The following MACROD2 variants were observed in gnomAD, a reference collection of about 807,000 sequenced individuals.
MACROD2 encodes mono-ADP ribosylhydrolase 2.
In MACROD2, 36 loss-of-function variants were observed where a neutral mutation model predicts 70.4. The ratio of observed to expected loss-of-function variants is 0.51; its 90% confidence interval spans 0.39 to 0.68. MACROD2 has a LOEUF of 0.68. Among genes scored for constraint, MACROD2 ranks in the 30% least tolerant of loss-of-function variants. The pLI is 0.00. For missense variants in MACROD2, 496 were observed against 538.4 expected, an observed-to-expected ratio of 0.92 and a Z score of 0.78; for synonymous variants, 172 against 178.8, an observed-to-expected ratio of 0.96 and a Z score of 0.30.
At chr20:14,798,644 TA>T (rs1003170435) in intron 5 of MACROD2, among the ~76,000 whole-genome samples, 57 of 152,268 alleles carry the variant, frequency 3.7e-4, no homozygotes, top group African/African-American at 1.4e-3. Context: ...AATTCAAATG[TA>T]ATTTATAATT....
chr20:14,659,863 C>T (rs1002010364), intron 4 of MACROD2, among the ~76,000 whole-genome samples: 7 of 152,250 alleles, frequency 4.6e-5, no homozygotes, highest in South Asian at 2.1e-4. Context: ...ACCTTCTAAA[C>T]GTTGTTGCTT....
chr20:14,167,909 C>T (rs1024982011), intron 3 of MACROD2, among the ~76,000 whole-genome samples: 1 of 151,998 alleles, frequency 6.6e-6, no homozygotes, highest in East Asian at 1.9e-4. Flanking sequence ...CTGTATAAAG[C>T]GTAATAATTG....
intron 5 of MACROD2, among the ~76,000 whole-genome samples, chr20:14,807,762 A>G (rs200498874): frequency 6.6e-6 from 1 of 152,124 alleles, no homozygotes; most frequent in African/African-American, 2.4e-5. Flanking sequence ...CCTGATGGAG[A>G]TGAAAAACAC....
chr20:15,419,499 T>G (rs139438236), intron 6 of MACROD2, among the ~76,000 whole-genome samples: 115 of 152,288 alleles, frequency 7.6e-4, no homozygotes, highest in African/African-American at 2.7e-3. Flanking sequence ...CCAGAGCTCC[T>G]GCAATCAGCC....
intron 13 of MACROD2, chr20:15,985,919 A>G (rs1601277896): frequency 6.6e-6 from 1 of 152,232 alleles, no homozygotes; most frequent in South Asian, 2.1e-4. Context: ...ACAGCACTAA[A>G]GATTTCACAT....
chr20:15,739,743 C>G (rs2051076966), intron 8 of MACROD2, among the ~76,000 whole-genome samples: 1 of 152,030 alleles, frequency 6.6e-6, no homozygotes, highest in African/African-American at 2.4e-5. Flanking sequence ...AGAATGAAAA[C>G]AGTAGAAAGA....
chr20:14,214,731 G>A (rs1198349484), intron 3 of MACROD2, among the ~76,000 whole-genome samples: 2 of 150,826 alleles, frequency 1.3e-5, no homozygotes, highest in Non-Finnish European at 3.0e-5. Flanking sequence ...CACCATATTT[G>A]TAGTCTTCTA....
At chr20:14,848,417 G>T (rs916213106) in intron 5 of MACROD2, among the ~76,000 whole-genome samples, 2 of 152,156 alleles carry the variant, frequency 1.3e-5, no homozygotes, top group African/African-American at 2.4e-5. Flanking sequence ...AAAACAGAGA[G>T]TAATATGGGT....
chr20:15,681,040 C>T (rs1372409720), intron 8 of MACROD2, among the ~76,000 whole-genome samples: 1 of 152,132 alleles, frequency 6.6e-6, no homozygotes, highest in Non-Finnish European at 1.5e-5. Context: ...CAGTTCAATA[C>T]AGTTGCAATG....
At chr20:15,611,045 C>T (rs2048962341) in intron 8 of MACROD2, among the ~76,000 whole-genome samples, 1 of 140,378 alleles carries the variant, frequency 7.1e-6, no homozygotes, top group Non-Finnish European at 1.5e-5. Context: ...CCACTCTGCC[C>T]TCTCAGTCTG....
chr20:15,963,275 G>GT (rs1266204080), intron 12 of MACROD2, among the ~76,000 whole-genome samples: 26 of 151,476 alleles, frequency 1.7e-4, no homozygotes, highest in African/African-American at 4.4e-4. Flanking sequence ...GTGTATAGCA[G>GT]TTTTTTTTTG....
intron 5 of MACROD2, among the ~76,000 whole-genome samples, chr20:15,108,225 A>G (rs1420594256): frequency 6.6e-6 from 1 of 152,096 alleles, no homozygotes; most frequent in Non-Finnish European, 1.5e-5. Context: ...GAGTTTAGGT[A>G]AAGATTGTAT....
chr20:14,982,646 A>C (rs1213771913), intron 5 of MACROD2, among the ~76,000 whole-genome samples: 1 of 152,218 alleles, frequency 6.6e-6, no homozygotes, highest in Admixed American at 6.5e-5. Context: ...GGCAGCTTCC[A>C]CATGGTGTTG....
chr20:14,773,718 C>G (rs2072200056), intron 5 of MACROD2, among the ~76,000 whole-genome samples: 2 of 152,024 alleles, frequency 1.3e-5, no homozygotes, highest in African/African-American at 4.8e-5. Context: ...ATATAGTTGA[C>G]TTCATTGTAC....
At chr20:15,340,957 T>A (rs1461005660) in intron 6 of MACROD2, among the ~76,000 whole-genome samples, 1 of 152,156 alleles carries the variant, frequency 6.6e-6, no homozygotes, top group Non-Finnish European at 1.5e-5. Context: ...CCAAAAAGCA[T>A]AAAATTATTT....
intron 6 of MACROD2, among the ~76,000 whole-genome samples, chr20:15,269,615 G>A (rs2077328145): frequency 6.6e-6 from 1 of 152,154 alleles, no homozygotes; most frequent in East Asian, 1.9e-4. Flanking sequence ...GTGGAGATTT[G>A]ATTATATGCT....
chr20:15,170,541 C>T (rs1325168378), intron 5 of MACROD2, among the ~76,000 whole-genome samples: 1 of 152,102 alleles, frequency 6.6e-6, no homozygotes, highest in Non-Finnish European at 1.5e-5. Flanking sequence ...GCTGGCTGTG[C>T]ACAGGGAGAG....
intron 8 of MACROD2, among the ~76,000 whole-genome samples, chr20:15,521,118 T>A (rs1026290330): frequency 8.5e-5 from 13 of 152,190 alleles, no homozygotes; most frequent in African/African-American, 2.7e-4. Context: ...CCTAATTGTA[T>A]CATCAGCTTC....
At chr20:14,323,034 A>G (rs1388220939) in intron 3 of MACROD2, 1 of 152,218 alleles carries the variant, frequency 6.6e-6, no homozygotes, top group Admixed American at 6.5e-5. Flanking sequence ...TAATCAACAT[A>G]GAAGACTTGT....
Sources: gnomAD v4.1 joint callset for allele counts (sites outside exome capture counted in the v4.1 genomes callset) on GRCh38, gnomAD v4.1.1 for gene constraint, MANE v1.5 for transcripts, NCBI Gene and HGNC (gene_info 2026-07-23, HGNC 2026-07-21) for gene names.